The following BBX variants were observed in gnomAD, a reference collection of about 807,000 sequenced individuals.
The protein encoded by BBX is BBX high mobility group box domain containing.
A neutral mutation model predicts 100.2 loss-of-function variants in BBX; 30 were observed. The observed-to-expected ratio is 0.30, with a 90% CI of 0.22 to 0.41. BBX has a LOEUF of 0.41. Ranked by LOEUF, BBX falls within the 10% of genes least tolerant of loss-of-function variation. The probability of loss-of-function intolerance (pLI) is 1.00; values close to 1 mark genes in which losing one functional copy is unlikely to be tolerated. For missense variants in BBX, 1,023 were observed against 1,129.8 expected (o/e 0.91, Z 1.35); for synonymous variants, 376 against 388.1 (o/e 0.97, Z 0.37).
chr3:107,641,089 T>TTC (rs1161217225), intron 2 of BBX, among the ~76,000 whole-genome samples: 1 of 147,408 alleles, frequency 6.8e-6, no homozygotes, highest in East Asian at 2.0e-4. Context: ...TTTTCTTTCT[T>TTC]TTTTTTTTTT....
intron 2 of BBX, among the ~76,000 whole-genome samples, chr3:107,635,997 A>G (rs1179014808): frequency 6.6e-6 from 1 of 152,176 alleles, no homozygotes. Context: ...GGCGTTAGCC[A>G]CCGTGCCCGG....
chr3:107,742,181 C>T (rs1039142682), intron 7 of BBX, among the ~76,000 whole-genome samples: 1 of 152,116 alleles, frequency 6.6e-6, no homozygotes, highest in Admixed American at 6.6e-5. Flanking sequence ...GCTGTTTTCC[C>T]TATTCAATTT....
chr3:107,621,521 A>C (rs1474904183), intron 2 of BBX, among the ~76,000 whole-genome samples: 1 of 152,246 alleles, frequency 6.6e-6, no homozygotes, highest in Non-Finnish European at 1.5e-5. Context: ...TGCATAGATT[A>C]CATTATAAAG....
rs574628902 is a variant in BBX at position 107,607,306 on chromosome 3, C to A, written c.-83-38530C>A. ...GAGACAGGGTTTCACCGTGTTGGCTCCTGACCTCAGGTGATCCACCCGCCT... is the reference window on the plus strand; with the variant it reads ...GAGACAGGGTTTCACCGTGTTGGCTACTGACCTCAGGTGATCCACCCGCCT... On this transcript the variant is annotated intron_variant, in intron 2 of 17. Transcript: ENST00000325805. Among the ~76,000 whole-genome samples the A allele has an allele frequency of 2.6e-5, 4 of 152,096 alleles. No individual in the cohort carries two copies. The South Asian group carries it at 8.3e-4, about 32-fold the overall frequency.
At chr3:107,696,288 A>T (rs935026775) in intron 3 of BBX, among the ~76,000 whole-genome samples, 4 of 151,710 alleles carry the variant, frequency 2.6e-5, no homozygotes, top group Non-Finnish European at 4.4e-5. Context: ...GTTTCTTCCT[A>T]GTCTCAATGG....
intron 2 of BBX, among the ~76,000 whole-genome samples, chr3:107,562,457 A>G (rs1201264485): frequency 2.0e-5 from 3 of 152,134 alleles, no homozygotes; most frequent in Non-Finnish European, 4.4e-5. Context: ...TATATTGGTA[A>G]TTGTCTATAT....
rs796468927 is a variant in BBX, at chr3:107,586,849, C to G, written c.-83-58987C>G. On this transcript the variant is annotated intron_variant, in intron 2 of 17. Transcript: ENST00000325805. The stretch of plus-strand genomic sequence containing the variant: ...CACTGCAACCTCCGCCTCCGAGGTT[C>G]AAGCGATTCTCCTGCCTCAGCCTCT... Among the ~76,000 whole-genome samples the G allele has an allele frequency of 1.0e-3, 155 of 152,004 alleles. 1 individual carries two copies. The highest frequency in any genetic ancestry group is 3.6e-3 in the African/African-American group (150 of 41,460).
At chr3:107,594,049 G>A (rs1266710153) in intron 2 of BBX, among the ~76,000 whole-genome samples, 1 of 152,162 alleles carries the variant, frequency 6.6e-6, no homozygotes, top group Admixed American at 6.5e-5. Context: ...AGATTAAAAT[G>A]ATCACATTTT....
intron 2 of BBX, among the ~76,000 whole-genome samples, chr3:107,564,492 A>G (rs1036147315): frequency 6.6e-6 from 1 of 152,160 alleles, no homozygotes; most frequent in Non-Finnish European, 1.5e-5. Flanking sequence ...GTTGATTCAC[A>G]CATTTAAGCC....
intron 3 of BBX, among the ~76,000 whole-genome samples, chr3:107,651,446 A>T (rs942354976): frequency 6.6e-6 from 1 of 152,214 alleles, no homozygotes; most frequent in African/African-American, 2.4e-5. Flanking sequence ...GAGGAATTAC[A>T]TCATTATAAA....
chr3:107,740,490 T>G (rs1423896559), intron 7 of BBX, among the ~76,000 whole-genome samples: 2 of 152,028 alleles, frequency 1.3e-5, no homozygotes, highest in Non-Finnish European at 2.9e-5. Flanking sequence ...CTGCCTCCAG[T>G]CATCCCCAGA....
intron 5 of BBX, among the ~76,000 whole-genome samples, chr3:107,719,762 C>T (rs2062390327): frequency 6.6e-6 from 1 of 151,912 alleles, no homozygotes; most frequent in African/African-American, 2.4e-5. Flanking sequence ...GTGTGACTGC[C>T]CGTTAGGAGA....
chr3:107,685,528 T>G (rs149381027), intron 3 of BBX, among the ~76,000 whole-genome samples: 104 of 152,366 alleles, frequency 6.8e-4, no homozygotes, highest in Non-Finnish European at 1.1e-3. Flanking sequence ...CCTTCATTTT[T>G]CTTCATCAGC....
chr3:107,621,269 C>T (rs901457385), intron 2 of BBX, among the ~76,000 whole-genome samples: 6 of 152,068 alleles, frequency 3.9e-5, no homozygotes, highest in Non-Finnish European at 7.3e-5. Context: ...TTCTTCAGTT[C>T]GAAGTTGCAG....
intron 2 of BBX, among the ~76,000 whole-genome samples, chr3:107,528,195 G>A (rs2047911620): frequency 6.6e-6 from 1 of 152,160 alleles, no homozygotes; most frequent in Non-Finnish European, 1.5e-5. Flanking sequence ...CATCTAAAAT[G>A]TATCTATTAG....
intron 13 of BBX, among the ~76,000 whole-genome samples, chr3:107,781,277 C>T (rs1007475437): frequency 1.1e-4 from 16 of 151,986 alleles, no homozygotes; most frequent in African/African-American, 3.9e-4. Flanking sequence ...TGCCCTTCCT[C>T]TTATGTCTGT....
At chr3:107,669,196 A>G (rs1345866865) in intron 3 of BBX, among the ~76,000 whole-genome samples, 1 of 152,200 alleles carries the variant, frequency 6.6e-6, no homozygotes, top group South Asian at 2.1e-4. Flanking sequence ...AGATAATAAT[A>G]GAATAGTGTC....
At chr3:107,565,443 T>TTTTTTTTA (rs1553727728) in intron 2 of BBX, among the ~76,000 whole-genome samples, 98 of 136,984 alleles carry the variant, frequency 7.2e-4, no homozygotes, top group Admixed American at 2.0e-3. Context: ...AATAGTTTTA[T>TTTTTTTTA]TTTATTTATT....
chr3:107,748,695 C>G (rs1451908674), intron 9 of BBX, among the ~76,000 whole-genome samples: 3 of 152,132 alleles, frequency 2.0e-5, no homozygotes, highest in Admixed American at 2.0e-4. Context: ...TTCTAATGAG[C>G]ACTATATGAC....
Sources: allele counts gnomAD v4.1 joint callset (sites outside exome capture counted in the v4.1 genomes callset), GRCh38; gene constraint gnomAD v4.1.1; transcripts MANE v1.5; gene names NCBI Gene and HGNC (gene_info 2026-07-23, HGNC 2026-07-21).